Variants in NECAB1 observed in about 807,000 individuals in gnomAD.
The protein encoded by NECAB1 is N-terminal EF-hand calcium-binding protein 1.
A neutral mutation model predicts 57.5 loss-of-function variants in NECAB1; 29 were observed. The observed-to-expected ratio is 0.50, with a 90% confidence interval of 0.38 to 0.69. The LOEUF (loss-of-function observed/expected upper bound fraction) is 0.69. Ranked by LOEUF, NECAB1 falls within the 30% of genes least tolerant of loss-of-function variation. The pLI is 0.00. For synonymous variants in NECAB1, 142 were observed against 147.7 expected (o/e 0.96, Z 0.28); for missense variants, 372 against 413.8 (o/e 0.90, Z 0.88).
At chr8:90,929,085 A>T (rs920613095) in intron 8 of NECAB1, among the ~76,000 whole-genome samples, 4 of 152,218 alleles carry the variant, frequency 2.6e-5, no homozygotes, top group African/African-American at 9.6e-5. Flanking sequence ...TATTCTCCTA[A>T]AAAGGCAGAG....
At chr8:90,908,506 A>T (rs1298757088) in intron 5 of NECAB1, among the ~76,000 whole-genome samples, 3 of 152,068 alleles carry the variant, frequency 2.0e-5, no homozygotes, top group Non-Finnish European at 4.4e-5. Flanking sequence ...GTGTTTACAG[A>T]TTTTCTTGTC....
At chr8:90,930,562 G>A (rs550371650) in intron 8 of NECAB1, among the ~76,000 whole-genome samples, 6 of 152,140 alleles carry the variant, frequency 3.9e-5, no homozygotes, top group Non-Finnish European at 8.8e-5. Context: ...CCCTCATGTC[G>A]TGAGGATGGG....
intron 5 of NECAB1, among the ~76,000 whole-genome samples, chr8:90,911,592 T>C (rs756840906): frequency 6.6e-6 from 1 of 152,168 alleles, no homozygotes; most frequent in East Asian, 1.9e-4. Flanking sequence ...GTAACAAGTA[T>C]GTATATAAAA....
chr8:90,813,952 A>G (rs541171040), intron 2 of NECAB1, among the ~76,000 whole-genome samples: 4 of 152,298 alleles, frequency 2.6e-5, no homozygotes, highest in African/African-American at 9.6e-5. Context: ...TGATAAATCT[A>G]TGTTGATAAA....
At chr8:90,902,236 A>G (rs1363889656) in intron 5 of NECAB1, among the ~76,000 whole-genome samples, 2 of 152,180 alleles carry the variant, frequency 1.3e-5, no homozygotes, top group Non-Finnish European at 2.9e-5. Flanking sequence ...CCTGGACAAC[A>G]GGGTGAAACC....
intron 3 of NECAB1, among the ~76,000 whole-genome samples, chr8:90,829,313 A>C (rs1312815555): frequency 6.6e-6 from 1 of 152,124 alleles, no homozygotes; most frequent in Non-Finnish European, 1.5e-5. Context: ...ATGGTTCCTC[A>C]AAAGTGTTCT....
chr8:90,817,414 AC>A lies in NECAB1; in HGVS notation c.125-7302del, dbSNP rs1161985584. ...TTTCTTCTCAATCTTAAGGAAAAAA[AC>A]ATCTGCTTTCCCACCATTAAGTATG... On this transcript the variant is annotated intron_variant, in intron 2 of 12. Coordinates refer to ENST00000417640, the MANE Select transcript of NECAB1 (RefSeq NM_022351.5). Among the ~76,000 whole-genome samples, 10 of 151,822 alleles carry A rather than the reference AC, an allele frequency of 6.6e-5. 1 individual carries two copies. Among genetic ancestry groups the A allele is most frequent in the African/African-American group, 1.9e-4 (8 of 41,528 alleles).
At chr8:90,799,318 A>G (rs1278913492) in intron 1 of NECAB1, among the ~76,000 whole-genome samples, 1 of 151,844 alleles carries the variant, frequency 6.6e-6, no homozygotes. Context: ...CCACTTGTCA[A>G]TTTTTGTTTT....
At chr8:90,893,866 T>C (rs1474679596) in intron 5 of NECAB1, among the ~76,000 whole-genome samples, 1 of 152,064 alleles carries the variant, frequency 6.6e-6, no homozygotes, top group African/African-American at 2.4e-5. Flanking sequence ...TTTTTAATTA[T>C]AGTCAACATC....
At chr8:90,823,156 C>A (rs1812171813) in intron 2 of NECAB1, among the ~76,000 whole-genome samples, 1 of 151,752 alleles carries the variant, frequency 6.6e-6, no homozygotes, top group East Asian at 1.9e-4. Context: ...TGTTATGTCA[C>A]CTGAATCGCT....
intron 6 of NECAB1, 50 bp downstream of exon 6, chr8:90,917,678 GA>G: frequency 6.6e-7 from 1 of 1,508,372 alleles, no homozygotes; most frequent in Non-Finnish European, 8.9e-7. Flanking sequence ...CTATGTTCAT[GA>G]AAAAACAATT....
intron 2 of NECAB1, among the ~76,000 whole-genome samples, chr8:90,818,096 CT>C (rs142408677): frequency 0.088 from 13,416 of 151,802 alleles, 774 homozygotes; most frequent in Non-Finnish European, 0.13. Context: ...CATAGTACTA[CT>C]TTATTATCCT....
At chr8:90,834,115 A>G (rs1393271524) in intron 3 of NECAB1, among the ~76,000 whole-genome samples, 1 of 140,972 alleles carries the variant, frequency 7.1e-6, no homozygotes, top group Non-Finnish European at 1.5e-5. Context: ...GTGAGCTGAG[A>G]CTGTGCACCA....
intron 12 of NECAB1, among the ~76,000 whole-genome samples, chr8:90,952,348 A>G (rs926316761): frequency 2.0e-5 from 3 of 152,212 alleles, no homozygotes; most frequent in Non-Finnish European, 4.4e-5. Flanking sequence ...GTATGTAGGT[A>G]AGAACAAAAT....
At chr8:90,879,771 ATG>A (rs1269419508) in intron 4 of NECAB1, among the ~76,000 whole-genome samples, 1 of 152,226 alleles carries the variant, frequency 6.6e-6, no homozygotes, top group Non-Finnish European at 1.5e-5. Context: ...ACAAATTAAA[ATG>A]TTATTTTGAA....
chr8:90,898,675 A>T (rs537748495), intron 5 of NECAB1, among the ~76,000 whole-genome samples: 2 of 152,330 alleles, frequency 1.3e-5, no homozygotes, highest in East Asian at 1.9e-4. Context: ...TTCAGTGTTT[A>T]TTGAGAAAGA....
At chr8:90,912,903 G>A (rs1277445818) in intron 5 of NECAB1, among the ~76,000 whole-genome samples, 1 of 152,122 alleles carries the variant, frequency 6.6e-6, no homozygotes, top group Non-Finnish European at 1.5e-5. Context: ...TGTTATAGAA[G>A]CTGCTGCAGA....
At chr8:90,880,620 C>G (rs1321036171) in intron 4 of NECAB1, among the ~76,000 whole-genome samples, 3 of 151,752 alleles carry the variant, frequency 2.0e-5, no homozygotes, top group African/African-American at 4.8e-5. Flanking sequence ...GACTCTTAAC[C>G]TTGAGAAGAG....
chr8:90,932,571 G>T lies in NECAB1; in HGVS notation c.694-1733G>T, dbSNP rs575535490. Among the ~76,000 whole-genome samples, 20 of 152,294 alleles carry T rather than the reference G, an allele frequency of 1.3e-4. No homozygotes were observed. In the South Asian group the frequency reaches 4.1e-3, roughly 32 times the overall value. ...GTGATATTCGAGTTGAGATGTGAAA[G>T]TCAAGAAGAAGGCAGCTATGTAAAG... On this transcript the variant is annotated intron_variant, in intron 8 of 12. Transcript: ENST00000417640.
Sources: allele counts gnomAD v4.1 joint callset (sites outside exome capture counted in the v4.1 genomes callset), GRCh38; gene constraint gnomAD v4.1.1; transcripts MANE v1.5; gene names NCBI Gene and HGNC (gene_info 2026-07-23, HGNC 2026-07-21).